The following PPM1H variants were observed in gnomAD, a reference collection of about 807,000 sequenced individuals.
PPM1H encodes the protein protein phosphatase, Mg2+/Mn2+ dependent 1H.
A neutral mutation model predicts 54.9 loss-of-function variants in PPM1H; 27 were observed. The observed-to-expected ratio is 0.49, with a 90% confidence interval of 0.36 to 0.68. The LOEUF is 0.68. Among genes scored for constraint, PPM1H ranks in the 30% least tolerant of loss-of-function variants. The pLI is 0.00. For synonymous variants in PPM1H, 305 were observed against 270.8 expected (o/e 1.13, Z -1.24); for missense variants, 596 against 667.8 (o/e 0.89, Z 1.19).
chr12:62,660,183 G>A (rs1414718015), intron 9 of PPM1H, among the ~76,000 whole-genome samples: 1 of 152,202 alleles, frequency 6.6e-6, no homozygotes, highest in African/African-American at 2.4e-5. Context: ...CTTTGTCCAT[G>A]AGCCTCCCAA....
intron 4 of PPM1H, among the ~76,000 whole-genome samples, chr12:62,738,496 AG>A (rs1484778419): frequency 6.6e-6 from 1 of 152,124 alleles, no homozygotes. Context: ...TCTATAGGAG[AG>A]GCTGCAGGAT....
At chr12:62,742,839 A>G (rs1054954670) in intron 4 of PPM1H, among the ~76,000 whole-genome samples, 1 of 152,184 alleles carries the variant, frequency 6.6e-6, no homozygotes, top group African/African-American at 2.4e-5. Context: ...CTCCCACCCA[A>G]TAACCATTCC....
chr12:62,724,607 G>C (rs2076280170), intron 5 of PPM1H, among the ~76,000 whole-genome samples: 3 of 152,132 alleles, frequency 2.0e-5, no homozygotes, highest in Non-Finnish European at 4.4e-5. Context: ...TTCACACACA[G>C]AGCCTTTCAT....
At chr12:62,709,148 G>T (rs1300194570) in intron 6 of PPM1H, among the ~76,000 whole-genome samples, 3 of 152,138 alleles carry the variant, frequency 2.0e-5, no homozygotes, top group Non-Finnish European at 4.4e-5. Context: ...TCACTTATGT[G>T]AGCCTCCCGG....
Position 62,684,997 on chromosome 12 carries a change from T to C in PPM1H, c.1245+4702A>G, listed in dbSNP as rs913851169. Among the ~76,000 whole-genome samples, 6 of 152,098 alleles carry C rather than the reference T, an allele frequency of 3.9e-5. No individual in the cohort carries two copies. The East Asian group carries it at 1.2e-3, about 29-fold the overall frequency. ...AGCCAATTCAAGCTGCTCTTCCGCTTCCCTTCTAACAGTTCCACCCCCTCC... is the reference window on the plus strand; with the variant it reads ...AGCCAATTCAAGCTGCTCTTCCGCTCCCCTTCTAACAGTTCCACCCCCTCC... On this transcript the variant is annotated intron_variant, in intron 8 of 9. Transcript: ENST00000228705.
In PPM1H at chr12:62,689,952, C is replaced by T. The variant is rs936212007; in HGVS notation, c.1138-146G>A. 5.5e-5 allele frequency: 30 copies of T among 547,190 alleles called. No individual in the cohort carries two copies. In the Admixed American group the frequency reaches 5.8e-4, roughly 11 times the overall value. The allele number at this position is 547,190 out of a possible 1,614,324, so 33.9% of individuals were successfully genotyped here. On this transcript the variant is annotated intron_variant, in intron 7 of 9. Coordinates refer to ENST00000228705, the MANE Select transcript of PPM1H (RefSeq NM_020700.2). ...TTCCAGGCCCCTTGCTGCTAACATACGTGGATAGCTCTTACCAAGAAAGGG... is the reference window on the plus strand; with the variant it reads ...TTCCAGGCCCCTTGCTGCTAACATATGTGGATAGCTCTTACCAAGAAAGGG...
intron 1 of PPM1H, among the ~76,000 whole-genome samples, chr12:62,900,047 A>T (rs1244345691): frequency 2.0e-5 from 3 of 152,196 alleles, no homozygotes; most frequent in South Asian, 2.1e-4. Context: ...CTGATCACAG[A>T]CTGTCAGCCT....
chr12:62,866,477 T>A (rs149909089), intron 1 of PPM1H, among the ~76,000 whole-genome samples: 103 of 152,250 alleles, frequency 6.8e-4, no homozygotes, highest in Middle Eastern at 3.4e-3. Context: ...GTAAAAGACA[T>A]CAAGGCTTCC....
rs952865 is a variant in PPM1H, at chr12:62,646,454, A to C, written c.*2035T>G. ...ACGGCAGCTCAGGGTCCTCCACGGA[A>C]GACTTGCTCAGGTTTCCTACTTACA... On this transcript the variant is annotated 3_prime_UTR_variant, in exon 10 of 10. Transcript: ENST00000228705. The C allele has an allele frequency of 0.24, 36,135 of 152,158 alleles. 4,539 individuals carry two copies. The highest frequency in any genetic ancestry group is 0.28 in the African/African-American group (11,562 of 41,494). 9.4% of individuals were successfully genotyped at this position (152,158 alleles called of 1,614,324 possible).
At chr12:62,797,863 A>G (rs957838559) in intron 3 of PPM1H, among the ~76,000 whole-genome samples, 1 of 152,226 alleles carries the variant, frequency 6.6e-6, no homozygotes. Flanking sequence ...GTGATTAAAC[A>G]GAAGACTTAT....
chr12:62,800,373 G>A (rs1355418155), intron 3 of PPM1H, among the ~76,000 whole-genome samples: 2 of 150,916 alleles, frequency 1.3e-5, no homozygotes, highest in Middle Eastern at 3.5e-3. Flanking sequence ...TCACGCTGTT[G>A]TTGCCCAGGC....
At chr12:62,842,066 C>T (rs1055458118) in intron 1 of PPM1H, among the ~76,000 whole-genome samples, 7 of 152,100 alleles carry the variant, frequency 4.6e-5, no homozygotes, top group African/African-American at 9.7e-5. Context: ...GAACAATTCC[C>T]GTAGAAGGCC....
intron 1 of PPM1H, among the ~76,000 whole-genome samples, chr12:62,922,338 T>TTTA (rs1487586025): frequency 6.6e-6 from 1 of 150,754 alleles, no homozygotes; most frequent in Non-Finnish European, 1.5e-5. Context: ...TAGGATGTCT[T>TTTA]TTTTTTTTTA....
chr12:62,928,098 A>C (rs1320127641), intron 1 of PPM1H, among the ~76,000 whole-genome samples: 2 of 152,228 alleles, frequency 1.3e-5, no homozygotes, highest in Non-Finnish European at 2.9e-5. Flanking sequence ...CCTTATACAT[A>C]AAGTGCTTAA....
chr12:62,692,892 G>A (rs991486146), intron 7 of PPM1H, among the ~76,000 whole-genome samples: 1 of 149,386 alleles, frequency 6.7e-6, no homozygotes, highest in Non-Finnish European at 1.5e-5. Context: ...TCTACACGGA[G>A]CCCAAAACCT....
intron 2 of PPM1H, among the ~76,000 whole-genome samples, chr12:62,823,682 T>C (rs1029506572): frequency 4.6e-5 from 7 of 152,154 alleles, no homozygotes; most frequent in African/African-American, 1.2e-4. Flanking sequence ...GAAAAGGCCT[T>C]TGACAAAATT....
At chr12:62,851,088 C>A (rs1205761321) in intron 1 of PPM1H, among the ~76,000 whole-genome samples, 2 of 152,054 alleles carry the variant, frequency 1.3e-5, no homozygotes, top group African/African-American at 2.4e-5. Context: ...CAAGGACATC[C>A]TAGGACTGTG....
At chr12:62,862,411 G>A (rs1035961934) in intron 1 of PPM1H, among the ~76,000 whole-genome samples, 2 of 152,174 alleles carry the variant, frequency 1.3e-5, no homozygotes, top group African/African-American at 4.8e-5. Flanking sequence ...GAATGTCTGC[G>A]AGAGGCAAAC....
In PPM1H at chr12:62,866,030, C is replaced by T. The variant is rs1489386568; in HGVS notation, c.246-33751G>A. The stretch of plus-strand genomic sequence containing the variant: ...CTCAGCATGCATTTATACAAGCCAA[C>T]GTCTGTGGTGAACTCCAAGCATTCT... On this transcript the variant is annotated intron_variant, in intron 1 of 9. Transcript: ENST00000228705. 2.0e-5 allele frequency among the ~76,000 whole-genome samples: 3 copies of T among 152,142 alleles called. No homozygotes were observed. In the East Asian group the frequency reaches 5.8e-4, roughly 29 times the overall value.
Sources: gnomAD v4.1 joint callset for allele counts (sites outside exome capture counted in the v4.1 genomes callset) on GRCh38, gnomAD v4.1.1 for gene constraint, MANE v1.5 for transcripts, NCBI Gene and HGNC (gene_info 2026-07-23, HGNC 2026-07-21) for gene names.